TRAPPC9: variants seen among roughly 807,000 people sequenced by gnomAD.
The protein encoded by TRAPPC9 is trafficking protein particle complex subunit 9.
In TRAPPC9, 83 loss-of-function variants were observed where a neutral mutation model predicts 124.0. The observed-to-expected ratio is 0.67, with a 90% CI of 0.56 to 0.80. TRAPPC9 has a LOEUF of 0.80. TRAPPC9 is among the 30% of genes least tolerant of loss of function. TRAPPC9 has a pLI of 0.00. For synonymous variants in TRAPPC9, 638 were observed against 617.5 expected, an observed-to-expected ratio of 1.03 and a Z score of -0.49; for missense variants, 1,302 against 1,508.3, an observed-to-expected ratio of 0.86 and a Z score of 2.27.
intron 19 of TRAPPC9, among the ~76,000 whole-genome samples, chr8:139,960,294 A>G (rs1030072913): frequency 1.3e-5 from 2 of 152,108 alleles, no homozygotes; most frequent in Admixed American, 6.5e-5. Flanking sequence ...CACAGCTTGG[A>G]CACCCAAGTG....
chr8:139,851,879 G>A (rs1208987871), intron 21 of TRAPPC9, among the ~76,000 whole-genome samples: 3 of 152,152 alleles, frequency 2.0e-5, no homozygotes, highest in African/African-American at 7.2e-5. Context: ...AGGTGGAGAA[G>A]GACACTGGAT....
chr8:139,796,789 G>A (rs1586862184), intron 21 of TRAPPC9, among the ~76,000 whole-genome samples: 2 of 152,294 alleles, frequency 1.3e-5, no homozygotes, highest in Middle Eastern at 3.4e-3. Flanking sequence ...TGGGTCATAC[G>A]GTAACTTTAT....
chr8:140,098,365 G>A (rs962875536), intron 17 of TRAPPC9: 26 of 151,656 alleles, frequency 1.7e-4, no homozygotes, highest in African/African-American at 6.3e-4. Flanking sequence ...ACAGGGTAAA[G>A]AGTCCGCCCA....
At chr8:139,921,053 C>T (rs546589629) in intron 19 of TRAPPC9, among the ~76,000 whole-genome samples, 16 of 152,320 alleles carry the variant, frequency 1.1e-4, no homozygotes, top group African/African-American at 2.9e-4. Context: ...GCCAAGCAAG[C>T]GGGACCTTGG....
At chr8:139,760,736 G>C (rs371571642) in intron 21 of TRAPPC9, among the ~76,000 whole-genome samples, 2 of 152,134 alleles carry the variant, frequency 1.3e-5, no homozygotes, top group African/African-American at 4.8e-5. Context: ...CGTGGATGGC[G>C]ACAGGCAAAA....
chr8:140,212,905 CA>C (rs951021718), intron 17 of TRAPPC9, among the ~76,000 whole-genome samples: 28 of 151,552 alleles, frequency 1.8e-4, no homozygotes, highest in Non-Finnish European at 1.9e-4. Context: ...ATGGTCTCTA[CA>C]AAAAATATAA....
chr8:139,898,688 T>A (rs1455426589), intron 20 of TRAPPC9, among the ~76,000 whole-genome samples: 3 of 152,166 alleles, frequency 2.0e-5, no homozygotes, highest in Non-Finnish European at 4.4e-5. Flanking sequence ...ATGCAGAGGA[T>A]GTGGCTCTTC....
intron 19 of TRAPPC9, among the ~76,000 whole-genome samples, chr8:139,950,768 T>C (rs1458476750): frequency 6.6e-6 from 1 of 152,130 alleles, no homozygotes; most frequent in African/African-American, 2.4e-5. Context: ...ATTCAGCAAC[T>C]GACAATTCAA....
At chr8:140,380,465 C>T (rs78994917) in intron 7 of TRAPPC9, among the ~76,000 whole-genome samples, 9 of 151,826 alleles carry the variant, frequency 5.9e-5, no homozygotes, top group Non-Finnish European at 1.2e-4. Context: ...ACCAGCCTGG[C>T]CAACACAGTG....
intron 21 of TRAPPC9, among the ~76,000 whole-genome samples, chr8:139,753,391 C>T (rs1202324586): frequency 6.6e-6 from 1 of 152,200 alleles, no homozygotes; most frequent in Non-Finnish European, 1.5e-5. Context: ...CATCCATCCA[C>T]CCATCTATCC....
chr8:140,298,812 G>A (rs193261487), intron 11 of TRAPPC9, among the ~76,000 whole-genome samples: 72 of 152,266 alleles, frequency 4.7e-4, no homozygotes, highest in Non-Finnish European at 5.6e-4. Context: ...CAGTTTCCCC[G>A]TCAACAAAAT....
At chr8:140,237,010 G>A (rs1005269964) in intron 16 of TRAPPC9, among the ~76,000 whole-genome samples, 3 of 151,874 alleles carry the variant, frequency 2.0e-5, no homozygotes, top group African/African-American at 7.3e-5. Context: ...GTGAAACCCC[G>A]CCTCTATTAA....
chr8:139,761,354 C>T (rs1378935141), intron 21 of TRAPPC9, among the ~76,000 whole-genome samples: 1 of 152,210 alleles, frequency 6.6e-6, no homozygotes, highest in East Asian at 1.9e-4. Flanking sequence ...CAATCAAGCT[C>T]ACAGCCGGAC....
At chr8:140,317,737 T>TA (rs1244742890) in intron 9 of TRAPPC9, among the ~76,000 whole-genome samples, 2 of 152,200 alleles carry the variant, frequency 1.3e-5, no homozygotes, top group African/African-American at 4.8e-5. Context: ...ACTGAGCACT[T>TA]ACGATGTGCC....
At chr8:140,367,794 G>T (rs1014827356) in intron 8 of TRAPPC9, among the ~76,000 whole-genome samples, 1 of 152,276 alleles carries the variant, frequency 6.6e-6, no homozygotes, top group East Asian at 1.9e-4. Context: ...CTGGTATGGG[G>T]TGTTAACAGT....
intron 10 of TRAPPC9, among the ~76,000 whole-genome samples, chr8:140,309,299 T>C (rs6984679): frequency 1 from 152,307 of 152,376 alleles, 76,119 homozygotes; most frequent in Middle Eastern, 1. Flanking sequence ...AACAAACCAC[T>C]CTGTGTGGGG....
chr8:140,246,244 T>C (rs2063985094), intron 16 of TRAPPC9, among the ~76,000 whole-genome samples: 1 of 152,204 alleles, frequency 6.6e-6, no homozygotes, highest in Non-Finnish European at 1.5e-5. Flanking sequence ...AATCACTCCT[T>C]TGCTGCAAGT....
rs2065640853 is a variant in TRAPPC9 at position 140,291,062 on chromosome 8, T to C, written c.1785A>G (p.Gln595=). The change falls in exon 12 of 23, where the codon CAA becomes CAG. Residue 595 remains glutamine (Q), a synonymous_variant. Transcript: ENST00000438773. The part of the protein sequence containing the change: ...RNKKIDFQWV[Q]GDVCEVQLMV... The stretch of plus-strand genomic sequence containing the variant: ...TCAGCTGAACTTCACACACATCTCC[T>C]TGAACCCACTGGAAATCTAGAAAAT... 6.2e-7 allele frequency: 1 copy of C among 1,614,212 alleles called. No homozygotes were observed. Among genetic ancestry groups the C allele is most frequent in the East Asian group, 2.2e-5 (1 of 44,894 alleles).
chr8:140,024,147 G>T, intron 17 of TRAPPC9, 68 bp from the exon 18 acceptor site: 1 of 1,583,686 alleles, frequency 6.3e-7, no homozygotes, highest in Non-Finnish European at 8.6e-7. Flanking sequence ...TCCACCAGGA[G>T]GCAAGCGGCT....
Sources: allele counts gnomAD v4.1 joint callset (sites outside exome capture counted in the v4.1 genomes callset), GRCh38; gene constraint gnomAD v4.1.1; transcripts MANE v1.5; gene names NCBI Gene and HGNC (gene_info 2026-07-23, HGNC 2026-07-21).